The following TRHDE variants were observed in gnomAD, a reference collection of about 807,000 sequenced individuals.
TRHDE encodes thyrotropin-releasing hormone-degrading ectoenzyme.
A neutral mutation model predicts 125.7 loss-of-function variants in TRHDE; 72 were observed. The ratio of observed to expected loss-of-function variants is 0.57; its 90% CI spans 0.47 to 0.70. The LOEUF is 0.70. TRHDE is among the 30% of genes least tolerant of loss of function. The pLI is 0.00. For missense variants in TRHDE, 1,110 were observed against 1,327.1 expected (o/e 0.84, Z 2.54); for synonymous variants, 509 against 509.1 (o/e 1.00, Z 0.00).
intron 3 of TRHDE, among the ~76,000 whole-genome samples, chr12:72,442,692 T>G (rs1454980596): frequency 6.6e-6 from 1 of 151,722 alleles, no homozygotes; most frequent in Non-Finnish European, 1.5e-5. Context: ...CTGCTCCTAT[T>G]TTGCACCCTG....
intron 3 of TRHDE, among the ~76,000 whole-genome samples, chr12:72,412,458 C>G (rs569358017): frequency 6.6e-6 from 1 of 152,028 alleles, no homozygotes; most frequent in South Asian, 2.1e-4. Context: ...AAACTCATTG[C>G]TAGTGGAAAT....
chr12:72,512,434 A>ATT (rs1565772026), intron 6 of TRHDE, among the ~76,000 whole-genome samples: 30 of 106,852 alleles, frequency 2.8e-4, no homozygotes, highest in African/African-American at 1.6e-3. Flanking sequence ...TATATTATAT[A>ATT]ATATGTTATA....
chr12:72,375,424 C>G (rs991405970), intron 2 of TRHDE, among the ~76,000 whole-genome samples: 28 of 152,234 alleles, frequency 1.8e-4, no homozygotes, highest in African/African-American at 5.5e-4. Context: ...TAAATCTTGA[C>G]AAGCAGATTA....
At chr12:72,463,653 A>G (rs2135888786) in intron 3 of TRHDE, among the ~76,000 whole-genome samples, 1 of 152,314 alleles carries the variant, frequency 6.6e-6, no homozygotes, top group Non-Finnish European at 1.5e-5. Flanking sequence ...CACTGGAGCC[A>G]GGGCTTAGAG....
chr12:72,549,389 G>A (rs1869566511), intron 7 of TRHDE, among the ~76,000 whole-genome samples: 1 of 151,832 alleles, frequency 6.6e-6, no homozygotes, highest in Admixed American at 6.6e-5. Context: ...AGCAGAGACA[G>A]TATGTCAAAG....
chr12:72,584,921 A>C (rs1171516624), intron 12 of TRHDE, among the ~76,000 whole-genome samples: 2 of 152,198 alleles, frequency 1.3e-5, no homozygotes, highest in African/African-American at 4.8e-5. Flanking sequence ...TTGTCCCTAT[A>C]TTCTCCTAAT....
chr12:72,646,214 A>G (rs1874273813), intron 15 of TRHDE, among the ~76,000 whole-genome samples: 1 of 152,136 alleles, frequency 6.6e-6, no homozygotes, highest in Non-Finnish European at 1.5e-5. Context: ...AAACAATAAC[A>G]GTGTGAGGAC....
At chr12:72,489,362 A>G (rs746350486) in intron 5 of TRHDE, among the ~76,000 whole-genome samples, 1 of 151,926 alleles carries the variant, frequency 6.6e-6, no homozygotes, top group African/African-American at 2.4e-5. Context: ...AAATAAATGG[A>G]AATAAATCAC....
At chr12:72,538,360 G>GT (rs952436035) in intron 6 of TRHDE, among the ~76,000 whole-genome samples, 13 of 151,828 alleles carry the variant, frequency 8.6e-5, no homozygotes, top group African/African-American at 2.9e-4. Context: ...TTTGCCTTCT[G>GT]TTTTTTATCA....
At chr12:72,476,539 T>C (rs1876900629) in intron 5 of TRHDE, among the ~76,000 whole-genome samples, 2 of 152,144 alleles carry the variant, frequency 1.3e-5, no homozygotes, top group South Asian at 4.1e-4. Context: ...CGTAAAAGCT[T>C]GTCTGTAAGT....
intron 2 of TRHDE, among the ~76,000 whole-genome samples, chr12:72,135,061 G>A (rs1875950894): frequency 6.6e-6 from 1 of 151,962 alleles, no homozygotes; most frequent in African/African-American, 2.4e-5. Flanking sequence ...AAAAGACAAG[G>A]ATGTGAGCAT....
chr12:72,098,784 C>G (rs150876605), intron 1 of TRHDE, among the ~76,000 whole-genome samples: 1 of 152,290 alleles, frequency 6.6e-6, no homozygotes, highest in East Asian at 1.9e-4. Context: ...CACCTCCCAG[C>G]CAGCTGACTG....
At chr12:72,589,272 G>C (rs1871570499) in intron 12 of TRHDE, among the ~76,000 whole-genome samples, 1 of 152,128 alleles carries the variant, frequency 6.6e-6, no homozygotes. Context: ...GTATTTCTCT[G>C]ATGACCAATG....
rs887149610 is a variant in TRHDE, at chr12:72,522,399, T to G, written c.1723-19892T>G. Among the ~76,000 whole-genome samples the G allele has an allele frequency of 6.6e-5, 10 of 152,348 alleles. No homozygotes were observed. In the East Asian group the frequency reaches 1.5e-3, roughly 23 times the overall value. ...ATCACCTAGTGCAGTGACTGGCAGA[T>G]AGTGAGCAACAACTAATACTTATAG... On this transcript the variant is annotated intron_variant, in intron 6 of 18. Transcript: ENST00000261180.
chr12:72,495,527 T>A (rs1877878636), intron 5 of TRHDE, among the ~76,000 whole-genome samples: 1 of 152,132 alleles, frequency 6.6e-6, no homozygotes, highest in Non-Finnish European at 1.5e-5. Context: ...CTATGAAACC[T>A]TTTCTGAACT....
At chr12:72,332,366 C>G (rs1035365056) in intron 2 of TRHDE, among the ~76,000 whole-genome samples, 1 of 152,160 alleles carries the variant, frequency 6.6e-6, no homozygotes, top group Non-Finnish European at 1.5e-5. Flanking sequence ...GTCTTGATCT[C>G]CTGACCTCAT....
chr12:72,597,394 A>G (rs919083751), intron 12 of TRHDE, among the ~76,000 whole-genome samples: 2 of 151,982 alleles, frequency 1.3e-5, no homozygotes, highest in Admixed American at 1.3e-4. Flanking sequence ...GGGGCCAGGC[A>G]TGGTGGCTCA....
intron 2 of TRHDE, among the ~76,000 whole-genome samples, chr12:72,232,560 A>G (rs1438140895): frequency 6.6e-6 from 1 of 152,110 alleles, no homozygotes; most frequent in Non-Finnish European, 1.5e-5. Context: ...TCAAGAATAC[A>G]GAAAATAACA....
chr12:72,377,163 A>AC (rs1230736119), intron 2 of TRHDE, among the ~76,000 whole-genome samples: 3 of 152,172 alleles, frequency 2.0e-5, no homozygotes, highest in African/African-American at 4.8e-5. Flanking sequence ...AGGATTAGGG[A>AC]CCACATCTGT....
Sources: gnomAD v4.1 joint callset for allele counts (sites outside exome capture counted in the v4.1 genomes callset) on GRCh38, gnomAD v4.1.1 for gene constraint, MANE v1.5 for transcripts, NCBI Gene and HGNC (gene_info 2026-07-23, HGNC 2026-07-21) for gene names.